PCDHGA1: variants seen among roughly 807,000 people sequenced by gnomAD.
The protein encoded by PCDHGA1 is protocadherin gamma subfamily A, 1.
A neutral mutation model predicts 58.0 loss-of-function variants in PCDHGA1; 32 were observed. The observed-to-expected ratio is 0.55, with a 90% CI of 0.42 to 0.74. The LOEUF (loss-of-function observed/expected upper bound fraction) is 0.74, where lower values mean the gene tolerates loss of function less well. Ranked by LOEUF, PCDHGA1 falls within the 30% of genes least tolerant of loss-of-function variation. The probability of loss-of-function intolerance (pLI) is 0.00; values close to 1 mark genes in which losing one functional copy is unlikely to be tolerated. For missense variants in PCDHGA1, 1,205 were observed against 1,182.3 expected (o/e 1.02, Z -0.28); for synonymous variants, 498 against 501.1 (o/e 0.99, Z 0.08).
intron 1 of PCDHGA1, chr5:141,415,400 C>T (rs754292889): frequency 2.5e-6 from 4 of 1,614,228 alleles, no homozygotes; most frequent in South Asian, 1.1e-5. Flanking sequence ...GTGTCCGGCT[C>T]GCACTTTGTG....
At chr5:141,466,279 T>A (rs1386803685) in intron 1 of PCDHGA1, among the ~76,000 whole-genome samples, 1 of 152,144 alleles carries the variant, frequency 6.6e-6, no homozygotes, top group Non-Finnish European at 1.5e-5. Flanking sequence ...CAAGCAATCT[T>A]CCCACCTCAG....
At chr5:141,433,866 T>C (rs1191114798) in intron 1 of PCDHGA1, among the ~76,000 whole-genome samples, 1 of 151,870 alleles carries the variant, frequency 6.6e-6, no homozygotes, top group African/African-American at 2.4e-5. Context: ...CTTTATCCTC[T>C]AGTTTCATCC....
At chr5:141,478,236 TCA>T in intron 1 of PCDHGA1, 3 of 1,614,156 alleles carry the variant, frequency 1.9e-6, no homozygotes, top group Non-Finnish European at 2.5e-6. Flanking sequence ...GGGTTTGTGG[TCA>T]CAGTGTTCGG....
Position 141,331,159 on chromosome 5 carries a change from G to T in PCDHGA1, c.475G>T (p.Asp159Tyr). 6.2e-7 allele frequency: 1 copy of T among 1,614,146 alleles called. No individual in the cohort carries two copies. The highest frequency in any genetic ancestry group is 8.5e-7 in the Non-Finnish European group (1 of 1,180,048). The change falls in exon 1 of 4, where the codon GAC becomes TAC. Residue 159 changes from aspartate to tyrosine, a missense_variant. Asp to Tyr is a radical substitution (Grantham distance 160, BLOSUM62 -3). Transcript: ENST00000517417. Reference protein sequence around the residue: ...GTRVSLPFGQDLDVGMNSLQS... With the variant: ...GTRVSLPFGQYLDVGMNSLQS... ...CAGAGTCTCATTGCCTTTTGGGCAA[G>T]ACCTTGATGTGGGTATGAACTCACT...
At chr5:141,393,909 A>G (rs2092874602) in intron 1 of PCDHGA1, 1 of 1,613,980 alleles carries the variant, frequency 6.2e-7, no homozygotes, top group Non-Finnish European at 8.5e-7. Flanking sequence ...CGGGACAGTA[A>G]TTGCCTTCTT....
intron 1 of PCDHGA1, chr5:141,346,106 G>A: frequency 6.2e-7 from 1 of 1,613,872 alleles, no homozygotes; most frequent in Non-Finnish European, 8.5e-7. Flanking sequence ...ACCTCACTCT[G>A]TACCTGGTGG....
chr5:141,431,697 G>T lies in PCDHGA1; in HGVS notation c.2422-63110G>T, dbSNP rs1303639699. 6.2e-7 allele frequency: 1 copy of T among 1,614,206 alleles called. No homozygotes were observed. Among genetic ancestry groups the T allele is most frequent in the Admixed American group, 1.7e-5 (1 of 60,024 alleles). ...GGGGAGTTGGACCACGAGGAGTCAG[G>T]ATTCTACCAGATGGAAGTGCAAGCA... On this transcript the variant is annotated intron_variant, in intron 1 of 3. Transcript: ENST00000517417. This position sits in a 1 kb window ranked among gnomAD's most constrained non-coding sequence, Gnocchi z 4.8.
chr5:141,345,212 G>A (rs1224324973), intron 1 of PCDHGA1: 6 of 1,613,956 alleles, frequency 3.7e-6, no homozygotes, highest in Middle Eastern at 3.3e-4. Context: ...TGCCATTTAA[G>A]TTAGAAAAAT....
chr5:141,461,371 G>C (rs755281402), intron 1 of PCDHGA1, among the ~76,000 whole-genome samples: 1 of 152,084 alleles, frequency 6.6e-6, no homozygotes, highest in Non-Finnish European at 1.5e-5. Context: ...GTTTTAATTT[G>C]CATTTTCCTG....
At chr5:141,352,447 C>T (rs752870909) in intron 1 of PCDHGA1, 2 of 1,614,048 alleles carry the variant, frequency 1.2e-6, no homozygotes, top group Admixed American at 3.3e-5. Flanking sequence ...GTCTCTGCTC[C>T]AAGTCTGGGC....
chr5:141,498,960 G>GGAGA (rs1381042115), intron 2 of PCDHGA1, among the ~76,000 whole-genome samples: 9 of 118,744 alleles, frequency 7.6e-5, no homozygotes, highest in African/African-American at 2.8e-4. Context: ...AGAGAGAGAG[G>GGAGA]GAGGGAGGGA....
Position 141,345,551 on chromosome 5 carries a change from T to G in PCDHGA1, c.2421+12446T>G, listed in dbSNP as rs1199362529. On this transcript the variant is annotated intron_variant, in intron 1 of 3. Coordinates refer to ENST00000517417, the MANE Select transcript of PCDHGA1 (RefSeq NM_018912.3). Reference sequence around the variant, plus strand: ...GGGCGCCCCTGTCCTCCTTCGTCTCTATCAACTCCAACACTGGCGTCCTAT... The same window carrying G: ...GGGCGCCCCTGTCCTCCTTCGTCTCGATCAACTCCAACACTGGCGTCCTAT... 2.5e-6 allele frequency: 4 copies of G among 1,614,066 alleles called. No individual in the cohort carries two copies. In the African/African-American group the frequency reaches 4.0e-5, roughly 16 times the overall value.
intron 1 of PCDHGA1, chr5:141,390,341 A>G (rs766269615): frequency 6.3e-7 from 1 of 1,587,420 alleles, no homozygotes; most frequent in Non-Finnish European, 8.6e-7. Flanking sequence ...CATATTCACA[A>G]GAAAATATAC....
intron 1 of PCDHGA1, among the ~76,000 whole-genome samples, chr5:141,354,167 A>G (rs990067225): frequency 2.6e-5 from 4 of 152,212 alleles, no homozygotes; most frequent in Non-Finnish European, 5.9e-5. Flanking sequence ...AAAAATCACT[A>G]AACTATTATC....
chr5:141,361,135 C>G (rs535070372), intron 1 of PCDHGA1: 1 of 1,613,506 alleles, frequency 6.2e-7, no homozygotes, highest in South Asian at 1.1e-5. Flanking sequence ...CTGCAGTATC[C>G]AAGTTGAAAT....
At chr5:141,400,008 C>A (rs1395195387) in intron 1 of PCDHGA1, 1 of 1,612,692 alleles carries the variant, frequency 6.2e-7, no homozygotes, top group South Asian at 1.1e-5. Flanking sequence ...CAGCGCGTGC[C>A]TTGGGCGACA....
At chr5:141,478,338 C>T in intron 1 of PCDHGA1, 2 of 1,613,936 alleles carry the variant, frequency 1.2e-6, no homozygotes, top group South Asian at 1.1e-5. Flanking sequence ...CCAGGGCCCT[C>T]CTTGCACGCG....
In PCDHGA1 at chr5:141,431,961, A is replaced by C; in HGVS notation, c.2422-62846A>C. Reference sequence around the variant, plus strand: ...AAATTAGAAAAATCTTACGGAAATTACTATAGTTTAGTCACAGACATAGTC... The same window carrying C: ...AAATTAGAAAAATCTTACGGAAATTCCTATAGTTTAGTCACAGACATAGTC... On this transcript the variant is annotated intron_variant, in intron 1 of 3. Transcript: ENST00000517417. The surrounding 1 kb of genome is among the most constrained non-coding windows in gnomAD (Gnocchi z 4.8). 1 of 1,614,206 alleles carries C rather than the reference A, an allele frequency of 6.2e-7. No homozygotes were observed.
intron 1 of PCDHGA1, chr5:141,370,801 A>G: frequency 6.2e-7 from 1 of 1,614,036 alleles, no homozygotes; most frequent in Non-Finnish European, 8.5e-7. Flanking sequence ...TTTAGCCAAA[A>G]TATCACTGAG....
Sources: gnomAD v4.1 joint callset for allele counts (sites outside exome capture counted in the v4.1 genomes callset) on GRCh38, gnomAD v4.1.1 for gene constraint, Gnocchi (gnomAD v3.1) non-coding constraint, MANE v1.5 for transcripts, NCBI Gene and HGNC (gene_info 2026-07-23, HGNC 2026-07-21) for gene names.